CNIH2: variants seen among roughly 807,000 people sequenced by gnomAD.
CNIH2 encodes protein cornichon homolog 2.
In CNIH2, 8 loss-of-function variants were observed where a neutral mutation model predicts 22.9. The ratio of observed to expected loss-of-function variants is 0.35; its 90% confidence interval spans 0.20 to 0.63. The LOEUF (loss-of-function observed/expected upper bound fraction) is 0.63. CNIH2 is among the 30% of genes least tolerant of loss of function. CNIH2 has a pLI of 0.72. For synonymous variants in CNIH2, 74 were observed against 78.2 expected, an observed-to-expected ratio of 0.95 and a Z score of 0.28; for missense variants, 105 against 206.2, an observed-to-expected ratio of 0.51 and a Z score of 3.01.
intron 2 of CNIH2, 113 bp downstream of exon 2, chr11:66,282,440 T>C: frequency 2.6e-6 from 3 of 1,133,316 alleles, no homozygotes; most frequent in Non-Finnish European, 2.6e-6. Flanking sequence ...CCTACGGCCA[T>C]GCCCCCTTCC....
At chr11:66,282,170 TC>T (rs1178884274) in intron 1 of CNIH2, 88 bp from the exon 2 acceptor site, 1 of 1,164,344 alleles carries the variant, frequency 8.6e-7, no homozygotes, top group Admixed American at 1.7e-5. Flanking sequence ...ACCTGGCTGG[TC>T]CTCTTCAGTA....
chr11:66,283,949 TC>T lies in CNIH2; in HGVS notation c.*357del. The stretch of plus-strand genomic sequence containing the variant: ...GCTTGACCCTGGAAATTCTGGGCCA[TC>T]CCCCTCCACCCCCACCCTGAGGCTC... On this transcript the variant is annotated 3_prime_UTR_variant, in exon 6 of 6. Transcript: ENST00000311445. 4.0e-6 allele frequency: 1 copy of T among 251,434 alleles called. No individual in the cohort carries two copies. Among genetic ancestry groups the T allele is most frequent in the Non-Finnish European group, 7.8e-6 (1 of 127,502 alleles). The allele number at this position is 251,434 out of a possible 1,614,324, so 15.6% of individuals were successfully genotyped here.
Position 66,282,714 on chromosome 11 carries a change from C to CT in CNIH2, c.151-15dup. The CT allele has an allele frequency of 8.1e-6, 13 of 1,613,708 alleles. No individual in the cohort carries two copies. The highest frequency in any genetic ancestry group is 1.1e-5 in the Non-Finnish European group (13 of 1,179,948). ...TGCTTCTCCGCCACCCCATCGCGGC[C>CT]TTTTCCTTCCCCCAACAGCGCGAGC... On this transcript the variant is annotated intron_variant, in intron 2 of 5. Transcript: ENST00000311445.
rs767538353 is a variant in CNIH2, at chr11:66,282,687, C to T, written c.151-46C>T. The T allele has an allele frequency of 5.6e-6, 9 of 1,610,626 alleles. No individual in the cohort carries two copies. In the South Asian group the frequency reaches 9.9e-5, roughly 18 times the overall value. On this transcript the variant is annotated intron_variant, in intron 2 of 5. Transcript: ENST00000311445. The stretch of plus-strand genomic sequence containing the variant: ...TGGAGCGGTGGGAGCTGCTCCAGTA[C>T]CTGCTTCTCCGCCACCCCATCGCGG...
At chr11:66,278,562 T>C in intron 1 of CNIH2, 25 bp downstream of exon 1, 1 of 181,658 alleles carries the variant, frequency 5.5e-6, no homozygotes, top group South Asian at 4.1e-5. Flanking sequence ...GGGCTGGGGC[T>C]GGGGGCGGGG....
intron 1 of CNIH2, among the ~76,000 whole-genome samples, chr11:66,278,924 C>CG (rs1282954909): frequency 4.7e-5 from 5 of 106,938 alleles, no homozygotes; most frequent in Middle Eastern, 3.7e-3. Context: ...TGCCCCCCCC[C>CG]CCCCGCCTTT....
chr11:66,281,169 C>T (rs1857253705), intron 1 of CNIH2, among the ~76,000 whole-genome samples: 1 of 152,150 alleles, frequency 6.6e-6, no homozygotes, highest in African/African-American at 2.4e-5. Context: ...TCACTCAGAC[C>T]ACCATCAGCC....
rs1213020109 is a variant in CNIH2, at chr11:66,278,516, C to T, written c.60C>T (p.Leu20=). Residue 20 remains leucine (L), a synonymous_variant, in exon 1 of 6, where the codon CTC becomes CTT. Coordinates refer to ENST00000311445, the MANE Select transcript of CNIH2 (RefSeq NM_182553.3). ...YMLTLVLCAS[L]IFFVIWHIIA... is the part of the protein sequence containing the mutation. ...TCACCCTGGTGCTGTGCGCCTCCCT[C>T]ATCTTCTTTGTCATCTGGCACGTAA... The T allele has an allele frequency of 1.9e-6, 3 of 1,539,850 alleles. No homozygotes were observed. Among genetic ancestry groups the T allele is most frequent in the Non-Finnish European group, 2.6e-6 (3 of 1,144,104 alleles).
chr11:66,281,959 C>T (rs867071583), intron 1 of CNIH2, among the ~76,000 whole-genome samples: 1 of 152,100 alleles, frequency 6.6e-6, no homozygotes, highest in Non-Finnish European at 1.5e-5. Flanking sequence ...CCTCTGGAGC[C>T]CCAGTGCTCA....
At chr11:66,281,105 T>C (rs1366360968) in intron 1 of CNIH2, among the ~76,000 whole-genome samples, 2 of 152,112 alleles carry the variant, frequency 1.3e-5, no homozygotes, top group Non-Finnish European at 2.9e-5. Context: ...GGAGTCTGGC[T>C]CCTAAAGAGC....
In CNIH2 at chr11:66,282,727, C is replaced by CA; in HGVS notation, c.151-4dup. The CA allele has an allele frequency of 1.9e-6, 3 of 1,613,738 alleles. No homozygotes were observed. The highest frequency in any genetic ancestry group is 2.5e-6 in the Non-Finnish European group (3 of 1,179,972). On this transcript the variant is annotated splice_polypyrimidine_tract_variant and splice_region_variant and intron_variant, in intron 2 of 5. Transcript: ENST00000311445. ...CCCCATCGCGGCCTTTTCCTTCCCC[C>CA]AACAGCGCGAGCGTTTAAAAAACAT...
chr11:66,282,031 G>T (rs1857265097), intron 1 of CNIH2, among the ~76,000 whole-genome samples: 1 of 152,142 alleles, frequency 6.6e-6, no homozygotes, highest in Non-Finnish European at 1.5e-5. Context: ...TTTTGGAAGG[G>T]GGTGTAGTGG....
rs1356907195 is a variant in CNIH2 at position 66,278,407 on chromosome 11, GCCCGGGCCCCGCGCTGGCGCCC to G, written c.-41_-20del. On this transcript the variant is annotated 5_prime_UTR_variant, in exon 1 of 6. Transcript: ENST00000311445. ...CGCGGGCCGGGGGGCGTCCCCTTGC[GCCCGGGCCCCGCGCTGGCGCCC>G]CCCGGGCCGCCGCCCGGCGCGGGGG... 1.8e-5 allele frequency: 16 copies of G among 876,664 alleles called. No homozygotes were observed. The highest frequency in any genetic ancestry group is 9.2e-5 in the African/African-American group (5 of 54,400). The allele number at this position is 876,664 out of a possible 1,614,324, so 54.3% of individuals were successfully genotyped here.
Position 66,283,634 on chromosome 11 carries a change from C to A in CNIH2, c.*37C>A. 1.3e-6 allele frequency: 2 copies of A among 1,555,008 alleles called. No homozygotes were observed. Among genetic ancestry groups the A allele is most frequent in the South Asian group, 1.2e-5 (1 of 84,580 alleles). ...GCCAGGGAGCGAGCCCAGAACGGAC[C>A]GGACGCCTGTGCACCCCCAGCCCTG... On this transcript the variant is annotated 3_prime_UTR_variant, in exon 6 of 6. Coordinates refer to ENST00000311445, the MANE Select transcript of CNIH2 (RefSeq NM_182553.3).
At chr11:66,282,114 C>T in intron 1 of CNIH2, 145 bp from the exon 2 acceptor site, 2 of 722,204 alleles carry the variant, frequency 2.8e-6, no homozygotes, top group South Asian at 3.2e-5. Flanking sequence ...GGACCAGGCC[C>T]TGCTCCTCCC....
In CNIH2 at chr11:66,278,928, C is replaced by T. The variant is rs1319009087; in HGVS notation, c.81+391C>T. ...TGTCTGTCTGCTGCCCCCCCCCCCC[C>T]GCCTTTGTGGGTTTTTCCAGCCAGA... On this transcript the variant is annotated intron_variant, in intron 1 of 5. Transcript: ENST00000311445. 3.6e-4 allele frequency among the ~76,000 whole-genome samples: 40 copies of T among 112,216 alleles called. 3 individuals carry two copies. The highest frequency in any genetic ancestry group is 1.3e-3 in the African/African-American group (40 of 29,804). The allele number at this position is 112,216 out of a possible 152,430, so 73.6% of individuals were successfully genotyped here. A position where few individuals can be genotyped will look rare whatever the true frequency, so the allele number is the denominator to read the frequency against.
chr11:66,279,188 T>C (rs931355373), intron 1 of CNIH2, among the ~76,000 whole-genome samples: 1 of 151,426 alleles, frequency 6.6e-6, no homozygotes, highest in Admixed American at 6.6e-5. Context: ...CTCCTCTTCC[T>C]GTCCCCCTTC....
At chr11:66,279,514 C>G (rs980773671) in intron 1 of CNIH2, among the ~76,000 whole-genome samples, 1 of 151,540 alleles carries the variant, frequency 6.6e-6, no homozygotes, top group East Asian at 2.0e-4. Context: ...GCTGGCTCAG[C>G]TCAGCATCCT....
chr11:66,282,281 G>A lies in CNIH2; in HGVS notation c.104G>A (p.Arg35Gln), dbSNP rs1342059509. 6.2e-7 allele frequency: 1 copy of A among 1,613,692 alleles called. No individual in the cohort carries two copies. Among genetic ancestry groups the A allele is most frequent in the Non-Finnish European group, 8.5e-7 (1 of 1,180,012 alleles). The change falls in exon 2 of 6, where the codon CGG becomes CAG. Residue 35 changes from arginine to glutamine, a missense_variant. Physicochemically the swap from Arg to Gln is conservative, Grantham distance 43 (BLOSUM62 1). Transcript: ENST00000311445. ...CAGATCATAGCCTTTGATGAGCTGC[G>A]GACCGACTTCAAGAACCCCATCGAC... ...IWHIIAFDEL[R>Q]TDFKNPIDQG...
Sources: allele counts gnomAD v4.1 joint callset (sites outside exome capture counted in the v4.1 genomes callset), GRCh38; gene constraint gnomAD v4.1.1; transcripts MANE v1.5; gene names NCBI Gene and HGNC (gene_info 2026-07-23, HGNC 2026-07-21).